DTX1: variants seen among roughly 807,000 people sequenced by gnomAD.
The protein encoded by DTX1 is deltex E3 ubiquitin ligase 1, also known as E3 ubiquitin-protein ligase DTX1.
In DTX1, 26 loss-of-function variants were observed where a neutral mutation model predicts 57.8. The observed-to-expected ratio is 0.45, with a 90% CI of 0.33 to 0.62. The LOEUF is 0.62. DTX1 is among the 20% of genes least tolerant of loss of function. The pLI, the probability that DTX1 is intolerant of heterozygous loss-of-function variation, is 0.02. For synonymous variants in DTX1, 398 were observed against 394.1 expected (o/e 1.01, Z -0.12); for missense variants, 704 against 895.3 (o/e 0.79, Z 2.73).
chr12:113,079,694 C>CTGTGTGTGTGTG (rs71086139), intron 3 of DTX1, among the ~76,000 whole-genome samples: 14 of 132,432 alleles, frequency 1.1e-4, no homozygotes, highest in South Asian at 2.7e-4. Context: ...TTCCCGGCTA[C>CTGTGTGTGTGTG]TGTGTGTGTG....
At chr12:113,060,145 C>T (rs2044655634) in intron 2 of DTX1, among the ~76,000 whole-genome samples, 1 of 152,170 alleles carries the variant, frequency 6.6e-6, no homozygotes, top group Admixed American at 6.5e-5. Context: ...CAGATTAGTA[C>T]ATCTATGTTT....
At chr12:113,080,028 T>C (rs2136060745) in intron 3 of DTX1, among the ~76,000 whole-genome samples, 1 of 152,326 alleles carries the variant, frequency 6.6e-6, no homozygotes, top group African/African-American at 2.4e-5. Context: ...CCGTTAGGAC[T>C]ACTTTTGCTC....
At chr12:113,095,738 T>G in intron 9 of DTX1, 1 of 338,882 alleles carries the variant, frequency 3.0e-6, no homozygotes, top group Admixed American at 4.1e-5. Flanking sequence ...ACCACCACCC[T>G]ACAGGTTGTC....
chr12:113,083,212 G>A (rs760148107), intron 3 of DTX1, among the ~76,000 whole-genome samples: 15 of 152,072 alleles, frequency 9.9e-5, no homozygotes, highest in Non-Finnish European at 1.8e-4. Context: ...TAAAGACCCC[G>A]TCTCTAAATA....
intron 2 of DTX1, among the ~76,000 whole-genome samples, chr12:113,066,511 G>C (rs1386210379): frequency 6.6e-6 from 1 of 150,668 alleles, no homozygotes; most frequent in Non-Finnish European, 1.5e-5. Flanking sequence ...CTGAGTAACA[G>C]AGTGAGACTC....
chr12:113,096,766 G>A lies in DTX1; in HGVS notation c.1690G>A (p.Gly564Ser), dbSNP rs780785694. 6.2e-6 allele frequency: 10 copies of A among 1,613,694 alleles called. No individual in the cohort carries two copies. Among genetic ancestry groups the A allele is most frequent in the Admixed American group, 3.3e-5 (2 of 60,008 alleles). Residue 564 changes from glycine (G) to serine (S), a missense_variant, in exon 10 of 10, where the codon GGC (glycine) becomes AGC (serine). Gly to Ser is a moderately conservative substitution (Grantham distance 56). Around this residue, in one of 3 missense-constraint regions of DTX1, gnomAD observed 168 missense variants for 255.6 expected, o/e 0.66. Coordinates refer to ENST00000548759, the MANE Select transcript of DTX1 (RefSeq NM_004416.3). Reference sequence around the variant, plus strand: ...GGAGAGAAGACTCATCTTCACTATCGGCACGTCCAACACCACGGGCGAGTC... The same window carrying A: ...GGAGAGAAGACTCATCTTCACTATCAGCACGTCCAACACCACGGGCGAGTC... ...AWERRLIFTI[G>S]TSNTTGESDT... is the part of the protein sequence containing the mutation.
intron 6 of DTX1, 100 bp downstream of exon 6, chr12:113,094,199 G>T: frequency 9.2e-7 from 1 of 1,083,822 alleles, no homozygotes; most frequent in Non-Finnish European, 1.3e-6. Context: ...AGCTCTTCTA[G>T]TTTGTTCCTT....
At position 113,093,214 on chromosome 12, in the gene DTX1, G is replaced by A. The variant is rs1950260111; in HGVS notation, c.994G>A (p.Ala332Thr). 6.3e-7 allele frequency: 1 copy of A among 1,589,880 alleles called. No individual in the cohort carries two copies. Among genetic ancestry groups the A allele is most frequent in the Non-Finnish European group, 8.6e-7 (1 of 1,169,458 alleles). The change falls in exon 4 of 10, where the codon GCC (alanine) becomes ACC (threonine). Residue 332 changes from alanine (A) to threonine (T), a missense_variant. By Grantham distance (58) the Ala-to-Thr change is moderately conservative. This residue lies in a region of DTX1 where 299 missense variants were observed against 311.2 expected (regional missense o/e 0.96). Coordinates refer to ENST00000548759, the MANE Select transcript of DTX1 (RefSeq NM_004416.3). This position sits in a 1 kb window ranked among gnomAD's most constrained non-coding sequence, Gnocchi z 4.2. Reference sequence around the variant, plus strand: ...GAATGGTACTGGGCCGGTCCATCCGGCCCTGGCAGGTGAGGTCTGGCCCAG... The same window carrying A: ...GAATGGTACTGGGCCGGTCCATCCGACCCTGGCAGGTGAGGTCTGGCCCAG... ...NLNGTGPVHP[A>T]LAGMTGILLC...
intron 3 of DTX1, among the ~76,000 whole-genome samples, chr12:113,084,422 G>A (rs906940177): frequency 6.6e-6 from 1 of 152,124 alleles, no homozygotes; most frequent in Non-Finnish European, 1.5e-5. Context: ...GTCTCACTCC[G>A]TCACCCAGGC....
intron 2 of DTX1, among the ~76,000 whole-genome samples, chr12:113,059,575 G>T (rs1254199548): frequency 6.6e-6 from 1 of 152,074 alleles, no homozygotes; most frequent in Non-Finnish European, 1.5e-5. Flanking sequence ...TCATTGCCCG[G>T]TGGTATCTGT....
chr12:113,089,493 G>C (rs1188834980), intron 3 of DTX1, among the ~76,000 whole-genome samples: 1 of 152,216 alleles, frequency 6.6e-6, no homozygotes, highest in African/African-American at 2.4e-5. Flanking sequence ...AGAGCTAGGG[G>C]TGAAGGCTGG....
rs1305984551 is a variant in DTX1, at chr12:113,097,076, G to A, written c.*137G>A. 2 of 952,032 alleles carry A rather than the reference G, an allele frequency of 2.1e-6. No homozygotes were observed. Among genetic ancestry groups the A allele is most frequent in the East Asian group, 5.3e-5 (2 of 37,532 alleles). 59.0% of individuals were successfully genotyped at this position (952,032 alleles called of 1,614,324 possible). ...GGGGCCGCAGCCATTCAGGGGACCT[G>A]CCTGGTGGCAGCTGGGATGAAGAGA... On this transcript the variant is annotated 3_prime_UTR_variant, in exon 10 of 10. Transcript: ENST00000548759.
In DTX1 at chr12:113,093,588, G is replaced by A; in HGVS notation, c.1053G>A (p.Thr351=). Residue 351 remains threonine, a synonymous_variant, in exon 5 of 10, where the codon ACG becomes ACA. Transcript: ENST00000548759. The surrounding 1 kb of genome is among the most constrained non-coding windows in gnomAD (Gnocchi z 4.2). ...LCAAGLPVCL[T]RAPKPILHPP... ...CGGCCGGGCTGCCCGTGTGCCTGAC[G>A]CGGGCCCCCAAGCCCATCCTGCACC... 3 of 1,611,452 alleles carry A rather than the reference G, an allele frequency of 1.9e-6. No homozygotes were observed. Among genetic ancestry groups the A allele is most frequent in the Non-Finnish European group, 2.5e-6 (3 of 1,179,010 alleles).
In DTX1 at chr12:113,079,492, C is replaced by T. The variant is rs562869340; in HGVS notation, c.941+1387C>T. 1.3e-3 allele frequency among the ~76,000 whole-genome samples: 193 copies of T among 143,484 alleles called. 1 individual carries two copies. Among genetic ancestry groups the T allele is most frequent in the African/African-American group, 4.2e-3 (161 of 38,642 alleles). The allele number at this position is 143,484 out of a possible 152,430, so 94.1% of individuals were successfully genotyped here. A position where few individuals can be genotyped will look rare whatever the true frequency, so the allele number is the denominator to read the frequency against. On this transcript the variant is annotated intron_variant, in intron 3 of 9. Transcript: ENST00000548759. Reference sequence around the variant, plus strand: ...CTTTGGGAGTCTGACTTCCTGGGTTCGAATCCCCTCTTGGCCACTTCTCTT... The same window carrying T: ...CTTTGGGAGTCTGACTTCCTGGGTTTGAATCCCCTCTTGGCCACTTCTCTT...
intron 3 of DTX1, among the ~76,000 whole-genome samples, chr12:113,083,139 G>C (rs1007538179): frequency 5.9e-5 from 9 of 152,112 alleles, no homozygotes; most frequent in Non-Finnish European, 1.2e-4. Context: ...CTTCTTAGAA[G>C]GACATCAGTC....
chr12:113,072,059 G>A (rs1359004418), intron 2 of DTX1, among the ~76,000 whole-genome samples: 1 of 152,184 alleles, frequency 6.6e-6, no homozygotes, highest in Non-Finnish European at 1.5e-5. Context: ...CCTGGCCTGA[G>A]GGTCCTCCCC....
rs534419776 is a variant in DTX1 at position 113,075,221 on chromosome 12, C to G, written c.260-2203C>G. On this transcript the variant is annotated intron_variant, in intron 2 of 9. Coordinates refer to ENST00000548759, the MANE Select transcript of DTX1 (RefSeq NM_004416.3). ...GGGCCCAGAGATGCTGAGTTGCCTA[C>G]GCACAGTCACAGAGCTGGAAAGTCA... Among the ~76,000 whole-genome samples the G allele has an allele frequency of 1.7e-3, 254 of 152,324 alleles. 1 individual carries two copies. Among genetic ancestry groups the G allele is most frequent in the Admixed American group, 3.2e-3 (49 of 15,302 alleles).
chr12:113,078,191 G>A lies in DTX1; in HGVS notation c.941+86G>A, dbSNP rs930754516. ...GGGGTGGTTGGCCACTAGGGCAGGA[G>A]CAAAGATTACAATAATAATAATGAC... On this transcript the variant is annotated intron_variant, in intron 3 of 9. Transcript: ENST00000548759. 16 of 1,025,964 alleles carry A rather than the reference G, an allele frequency of 1.6e-5. No homozygotes were observed. In the African/African-American group the frequency reaches 2.1e-4, roughly 13 times the overall value. The allele number at this position is 1,025,964 out of a possible 1,614,324, so 63.6% of individuals were successfully genotyped here.
chr12:113,086,322 C>T (rs1030468283), intron 3 of DTX1, among the ~76,000 whole-genome samples: 6 of 151,020 alleles, frequency 4.0e-5, no homozygotes, highest in African/African-American at 1.5e-4. Flanking sequence ...GACAGCAGAA[C>T]AGCATGTGCA....
Sources: gnomAD v4.1 joint callset for allele counts (sites outside exome capture counted in the v4.1 genomes callset) on GRCh38, gnomAD v4.1.1 for gene constraint, gnomAD v4.1.1 regional missense constraint, Gnocchi (gnomAD v3.1) non-coding constraint, MANE v1.5 for transcripts, NCBI Gene and HGNC (gene_info 2026-07-23, HGNC 2026-07-21) for gene names.